SLC14A2: variants seen among roughly 807,000 people sequenced by gnomAD.
SLC14A2 encodes the protein solute carrier family 14 member 2.
In SLC14A2, 91 loss-of-function variants were observed where a neutral mutation model predicts 104.6. That is an observed-to-expected ratio of 0.87 (90% confidence interval 0.73 to 1.04). The LOEUF (loss-of-function observed/expected upper bound fraction) is 1.04. SLC14A2 is among the 50% of genes least tolerant of loss of function. SLC14A2 has a pLI of 0.00. For missense variants in SLC14A2, 1,189 were observed against 1,156.0 expected (o/e 1.03, Z -0.41); for synonymous variants, 476 against 466.4 (o/e 1.02, Z -0.27).
chr18:45,540,802 G>A (rs1399099290), intron 2 of SLC14A2, among the ~76,000 whole-genome samples: 1 of 152,116 alleles, frequency 6.6e-6, no homozygotes, highest in African/African-American at 2.4e-5. Context: ...GAGGGCTGGG[G>A]TGGGACATCT....
intron 1 of SLC14A2, among the ~76,000 whole-genome samples, chr18:45,353,238 C>A (rs1371974785): frequency 6.6e-6 from 1 of 152,128 alleles, no homozygotes. Context: ...TAACAGAGGG[C>A]GGACTACAAA....
At chr18:45,454,173 T>A (rs2086903730) in intron 1 of SLC14A2, among the ~76,000 whole-genome samples, 1 of 152,172 alleles carries the variant, frequency 6.6e-6, no homozygotes, top group Admixed American at 6.5e-5. Flanking sequence ...TCTGCTTTCT[T>A]GTAGAATCAA....
chr18:45,666,628 G>T (rs2046029165), intron 12 of SLC14A2, among the ~76,000 whole-genome samples: 1 of 144,414 alleles, frequency 6.9e-6, no homozygotes. Flanking sequence ...CTAAAAATCT[G>T]TGGTTAATCT....
intron 1 of SLC14A2, among the ~76,000 whole-genome samples, chr18:45,265,692 A>G (rs2084585228): frequency 6.6e-6 from 1 of 152,200 alleles, no homozygotes; most frequent in African/African-American, 2.4e-5. Context: ...TTTAGTATTC[A>G]CTGGCTGAGT....
At chr18:45,343,109 T>TGCTGCTGCTGA (rs2085412808) in intron 1 of SLC14A2, among the ~76,000 whole-genome samples, 2 of 151,388 alleles carry the variant, frequency 1.3e-5, no homozygotes, top group Non-Finnish European at 2.9e-5. Flanking sequence ...GAGTTAGTCC[T>TGCTGCTGCTGA]ATCCATGCTG....
rs2045428741 is a variant in SLC14A2 at position 45,637,074 on chromosome 18, C to T, written c.735C>T (p.Thr245=). The change falls in exon 6 of 20, where the codon ACC becomes ACT. Residue 245 remains threonine (T), a synonymous_variant. Transcript: ENST00000255226. Reference sequence around the variant, plus strand: ...CTCTGCCCTTCAACATTGCAGTCACCTTGTACCTTGCAGCCACAGGCCACT... The same window carrying T: ...CTCTGCCCTTCAACATTGCAGTCACTTTGTACCTTGCAGCCACAGGCCACT... ...VFTLPFNIAV[T]LYLAATGHYN... 1 of 1,614,206 alleles carries T rather than the reference C, an allele frequency of 6.2e-7. No individual in the cohort carries two copies. Among genetic ancestry groups the T allele is most frequent in the Non-Finnish European group, 8.5e-7 (1 of 1,180,010 alleles).
upstream of SLC14A2, among the ~76,000 whole-genome samples, chr18:45,611,836 C>T (rs532890069): frequency 2.6e-5 from 4 of 152,282 alleles, no homozygotes; most frequent in East Asian, 7.7e-4. Flanking sequence ...ATAGCTTACA[C>T]CCCATCATGA....
At position 45,331,811 on chromosome 18, in the gene SLC14A2, T is replaced by C. The variant is rs577020199; in HGVS notation, c.-125+118620T>C. On this transcript the variant is annotated intron_variant, in intron 1 of 20. Coordinates refer to the SLC14A2 transcript ENST00000586448. ...AGCACTCTTGTTCCATCTATTTTCCTGCACCAAAAACACAAACACAAAACA... is the reference window on the plus strand; with the variant it reads ...AGCACTCTTGTTCCATCTATTTTCCCGCACCAAAAACACAAACACAAAACA... 9.8e-4 allele frequency among the ~76,000 whole-genome samples: 150 copies of C among 152,352 alleles called. 1 individual carries two copies. The highest frequency in any genetic ancestry group is 1.7e-3 in the Non-Finnish European group (113 of 68,024).
intron 1 of SLC14A2, among the ~76,000 whole-genome samples, chr18:45,338,123 A>T (rs1187107100): frequency 1.3e-5 from 2 of 152,186 alleles, no homozygotes; most frequent in Non-Finnish European, 2.9e-5. Context: ...CCAGTCAGAA[A>T]ATCTTTGAAT....
At chr18:45,542,884 T>C (rs1217832405) in intron 2 of SLC14A2, among the ~76,000 whole-genome samples, 1 of 151,842 alleles carries the variant, frequency 6.6e-6, no homozygotes, top group African/African-American at 2.4e-5. Context: ...ATATTTACTA[T>C]AATTTAATAT....
At chr18:45,599,876 C>T (rs536174064) in intron 2 of SLC14A2, among the ~76,000 whole-genome samples, 9 of 152,164 alleles carry the variant, frequency 5.9e-5, no homozygotes, top group Non-Finnish European at 1.0e-4. Flanking sequence ...CAGGGAAACT[C>T]CCCCTTATAA....
chr18:45,387,343 C>G (rs1331621798), intron 1 of SLC14A2, among the ~76,000 whole-genome samples: 2 of 152,172 alleles, frequency 1.3e-5, no homozygotes, highest in Non-Finnish European at 2.9e-5. Context: ...GCCCTGCCCC[C>G]CAAACAAGGA....
intron 2 of SLC14A2, among the ~76,000 whole-genome samples, chr18:45,599,682 G>A (rs1336001560): frequency 2.0e-5 from 3 of 152,180 alleles, no homozygotes; most frequent in Non-Finnish European, 2.9e-5. Flanking sequence ...GCACTGTTCC[G>A]AGCCTGTATT....
chr18:45,553,226 A>G (rs754432267), intron 2 of SLC14A2, among the ~76,000 whole-genome samples: 1 of 152,224 alleles, frequency 6.6e-6, no homozygotes, highest in Non-Finnish European at 1.5e-5. Context: ...ACAAATCCAC[A>G]ATGTTCATAG....
At chr18:45,626,649 A>G (rs2045260977) in intron 3 of SLC14A2, among the ~76,000 whole-genome samples, 1 of 148,914 alleles carries the variant, frequency 6.7e-6, no homozygotes, top group Non-Finnish European at 1.5e-5. Context: ...TTCCCTTGGA[A>G]TGCTCCCGGG....
Position 45,667,936 on chromosome 18 carries a change from CT to C in SLC14A2, c.1823del (p.Phe608SerfsTer20). Reference sequence around the variant, plus strand: ...GCGGCATCCTCATCATCCTCGGCCTCTTCATCCAGAACCCCTGGTGGGCGAT... The same window carrying C: ...GCGGCATCCTCATCATCCTCGGCCTCTCATCCAGAACCCCTGGTGGGCGAT... ...LSGILIILGL[F>X]IQNPWWAISG... is the part of the protein sequence containing the mutation. On this transcript the variant is annotated frameshift_variant, in exon 14 of 20. Transcript: ENST00000255226. LOFTEE classifies it high-confidence loss of function. 4 of 1,614,166 alleles carry C rather than the reference CT, an allele frequency of 2.5e-6. No individual in the cohort carries two copies. The highest frequency in any genetic ancestry group is 3.4e-6 in the Non-Finnish European group (4 of 1,180,018).
intron 2 of SLC14A2, among the ~76,000 whole-genome samples, chr18:45,573,360 A>G (rs1369587284): frequency 6.6e-6 from 1 of 151,614 alleles, no homozygotes; most frequent in Non-Finnish European, 1.5e-5. Context: ...CAGCCCCACC[A>G]GAAGAGATGT....
chr18:45,318,520 ACT>A (rs1403291360), intron 1 of SLC14A2, among the ~76,000 whole-genome samples: 2 of 152,030 alleles, frequency 1.3e-5, no homozygotes, highest in African/African-American at 4.8e-5. Context: ...AGGCGCGGTG[ACT>A]CACACCTGTA....
intron 18 of SLC14A2, among the ~76,000 whole-genome samples, chr18:45,677,560 C>T (rs1389905830): frequency 6.6e-6 from 1 of 152,218 alleles, no homozygotes; most frequent in Non-Finnish European, 1.5e-5. Flanking sequence ...CAGCTGTTGT[C>T]AGGATCAAAT....
Sources: allele counts gnomAD v4.1 joint callset (sites outside exome capture counted in the v4.1 genomes callset), GRCh38; gene constraint gnomAD v4.1.1; transcripts MANE v1.5; gene names NCBI Gene and HGNC (gene_info 2026-07-23, HGNC 2026-07-21).